The following PAFAH2 variants were observed in gnomAD, a reference collection of about 807,000 sequenced individuals.
The protein encoded by PAFAH2 is platelet activating factor acetylhydrolase 2, also known as platelet-activating factor acetylhydrolase 2, cytoplasmic.
PAFAH2 carries 42 observed loss-of-function variants against 49.0 expected under a neutral mutation model. That is an observed-to-expected ratio of 0.86 (90% CI 0.67 to 1.11). The LOEUF (loss-of-function observed/expected upper bound fraction) is 1.11, where lower values mean the gene tolerates loss of function less well. Ranked by LOEUF, PAFAH2 falls within the 50% of genes least tolerant of loss-of-function variation. The pLI is 0.00. For missense variants in PAFAH2, 503 were observed against 501.8 expected (o/e 1.00, Z -0.02); for synonymous variants, 184 against 181.3 (o/e 1.01, Z -0.12).
chr1:25,986,750 C>T (rs1251207949), intron 4 of PAFAH2, among the ~76,000 whole-genome samples: 5 of 151,870 alleles, frequency 3.3e-5, no homozygotes, highest in Non-Finnish European at 5.9e-5. Flanking sequence ...AGGCTAGTCT[C>T]GAACTCCCAA....
At chr1:25,983,115 G>C (rs1252333860) in intron 6 of PAFAH2, among the ~76,000 whole-genome samples, 1 of 152,144 alleles carries the variant, frequency 6.6e-6, no homozygotes, top group Non-Finnish European at 1.5e-5. Flanking sequence ...TTCTGACTGG[G>C]TGCCGTGGCT....
At chr1:25,990,387 C>T (rs545479024) in intron 2 of PAFAH2, among the ~76,000 whole-genome samples, 6 of 152,302 alleles carry the variant, frequency 3.9e-5, no homozygotes, top group African/African-American at 1.2e-4. Flanking sequence ...GGCTCTTTCT[C>T]TCACACACTC....
Position 25,961,938 on chromosome 1 carries a change from G to C in PAFAH2, c.*51C>G, listed in dbSNP as rs1284400324. On this transcript the variant is annotated 3_prime_UTR_variant, in exon 11 of 11. Coordinates refer to ENST00000374282, the MANE Select transcript of PAFAH2 (RefSeq NM_000437.4). ...AGGAGCTCATGGGTGCCCTTGGGTA[G>C]CTCCCAAATGAAAACTTGGCTGAAG... The C allele has an allele frequency of 3.5e-6, 5 of 1,408,884 alleles. 1 individual carries two copies. The highest frequency in any genetic ancestry group is 2.1e-4 in the Middle Eastern group (1 of 4,680). The allele number at this position is 1,408,884 out of a possible 1,614,324, so 87.3% of individuals were successfully genotyped here.
At position 25,974,502 on chromosome 1, in the gene PAFAH2, G is replaced by C. The variant is rs767580960; in HGVS notation, c.907C>G (p.Gln303Glu). Residue 303 changes from glutamine (Q) to glutamate (E), a missense_variant, in exon 9 of 11, where the codon CAG becomes GAG. By Grantham distance (29) the Gln-to-Glu change is conservative. Transcript: ENST00000374282. Reference protein sequence around the residue: ...LMKKICAQHEQSRIITVLGSV... With the variant: ...LMKKICAQHEESRIITVLGSV... ...CACAGAACGGTTATGATCCTAGACT[G>C]TTCATGCTGGGCACATATCTTCTTC... 1.9e-6 allele frequency: 3 copies of C among 1,613,764 alleles called. No homozygotes were observed. Among genetic ancestry groups the C allele is most frequent in the Non-Finnish European group, 2.5e-6 (3 of 1,179,790 alleles).
chr1:25,974,113 G>T (rs2049551051), intron 9 of PAFAH2, among the ~76,000 whole-genome samples: 1 of 152,020 alleles, frequency 6.6e-6, no homozygotes, highest in Non-Finnish European at 1.5e-5. Context: ...AATATCAAAG[G>T]TCTACCATAT....
In PAFAH2 at chr1:25,972,718, G is replaced by A; in HGVS notation, c.930-6C>T. On this transcript the variant is annotated splice_polypyrimidine_tract_variant and splice_region_variant and intron_variant, in intron 9 of 10. Coordinates refer to ENST00000374282, the MANE Select transcript of PAFAH2 (RefSeq NM_000437.4). ...GACTCCGATGAACAGAACCACTAGG[G>A]GAAAAGAAAAACAACTGGCAGGGGT... The A allele has an allele frequency of 1.2e-6, 2 of 1,613,774 alleles. No individual in the cohort carries two copies. The highest frequency in any genetic ancestry group is 8.5e-7 in the Non-Finnish European group (1 of 1,179,794).
intron 1 of PAFAH2, among the ~76,000 whole-genome samples, chr1:25,997,139 G>C (rs572277965): frequency 2.3e-4 from 35 of 152,320 alleles, no homozygotes; most frequent in African/African-American, 7.5e-4. Flanking sequence ...TCAAGATACA[G>C]TCCAAGATAA....
chr1:25,984,947 C>CGG (rs1267078342), intron 4 of PAFAH2, among the ~76,000 whole-genome samples: 11 of 151,468 alleles, frequency 7.3e-5, no homozygotes, highest in Admixed American at 7.2e-4. Context: ...CTCTGCCTCC[C>CGG]GGGGTCAAGT....
At chr1:25,995,034 CAG>C (rs2049920314) in intron 1 of PAFAH2, among the ~76,000 whole-genome samples, 2 of 152,194 alleles carry the variant, frequency 1.3e-5, no homozygotes, top group South Asian at 4.1e-4. Context: ...ACAAAGCATC[CAG>C]AGTCATTTCT....
At chr1:25,993,907 G>A (rs1466306297) in intron 1 of PAFAH2, among the ~76,000 whole-genome samples, 1 of 152,154 alleles carries the variant, frequency 6.6e-6, no homozygotes, top group Non-Finnish European at 1.5e-5. Context: ...GTAGAGAGCA[G>A]GGGAAGATGG....
intron 10 of PAFAH2, among the ~76,000 whole-genome samples, chr1:25,965,175 A>G (rs866928066): frequency 6.6e-6 from 1 of 152,186 alleles, no homozygotes; most frequent in Non-Finnish European, 1.5e-5. Flanking sequence ...AAGATACCCT[A>G]TTCAACAAAT....
chr1:25,990,466 G>A (rs1489168445), intron 2 of PAFAH2, among the ~76,000 whole-genome samples: 10 of 152,122 alleles, frequency 6.6e-5, no homozygotes, highest in Non-Finnish European at 1.0e-4. Flanking sequence ...GAGGATCTGC[G>A]AGCTGCCTCT....
chr1:25,992,638 G>A (rs2049891890), intron 1 of PAFAH2, among the ~76,000 whole-genome samples: 1 of 152,216 alleles, frequency 6.6e-6, no homozygotes, highest in Non-Finnish European at 1.5e-5. Flanking sequence ...GGAAACAGAT[G>A]CTTGACAAAG....
At chr1:25,983,826 C>A in intron 6 of PAFAH2, 120 bp downstream of exon 6, 1 of 1,121,976 alleles carries the variant, frequency 8.9e-7, no homozygotes, top group Non-Finnish European at 1.3e-6. Flanking sequence ...ACTGATGTGG[C>A]AAACTCAGAC....
In PAFAH2 at chr1:25,959,801, A is replaced by C. The variant is rs996615924; in HGVS notation, c.*2188T>G. Reference sequence around the variant, plus strand: ...TATAGTCTTTTTAAACATACATGGCACATTTACAACATTGATCTCATACTA... The same window carrying C: ...TATAGTCTTTTTAAACATACATGGCCCATTTACAACATTGATCTCATACTA... On this transcript the variant is annotated 3_prime_UTR_variant, in exon 11 of 11. Transcript: ENST00000374282. 1 of 152,206 alleles carries C rather than the reference A, an allele frequency of 6.6e-6. No individual in the cohort carries two copies. The highest frequency in any genetic ancestry group is 2.4e-5 in the African/African-American group (1 of 41,464). The allele number at this position is 152,206 out of a possible 1,614,324, so 9.4% of individuals were successfully genotyped here. A position where few individuals can be genotyped will look rare whatever the true frequency, so the allele number is the denominator to read the frequency against.
rs116325040 is a variant in PAFAH2 at position 25,990,231 on chromosome 1, G to A, written c.90+496C>T. On this transcript the variant is annotated intron_variant, in intron 2 of 10. Coordinates refer to ENST00000374282, the MANE Select transcript of PAFAH2 (RefSeq NM_000437.4). Reference sequence around the variant, plus strand: ...AGCCTGGGCAACATAGCAAGGCCTCGTCTCTACTATATATACATATATATA... The same window carrying A: ...AGCCTGGGCAACATAGCAAGGCCTCATCTCTACTATATATACATATATATA... Among the ~76,000 whole-genome samples, 768 of 152,174 alleles carry A rather than the reference G, an allele frequency of 5.0e-3. 8 individuals are homozygous for A. The highest frequency in any genetic ancestry group is 0.017 in the African/African-American group (712 of 41,502).
At chr1:25,973,715 G>C (rs2049543930) in intron 9 of PAFAH2, among the ~76,000 whole-genome samples, 1 of 152,198 alleles carries the variant, frequency 6.6e-6, no homozygotes, top group Non-Finnish European at 1.5e-5. Context: ...CGAGGGCTCT[G>C]GATTTGGCAC....
rs138864561 is a variant in PAFAH2 at position 25,972,701 on chromosome 1, T to C, written c.941A>G (p.His314Arg). The C allele has an allele frequency of 2.4e-5, 39 of 1,613,806 alleles. No individual in the cohort carries two copies. Among genetic ancestry groups the C allele is most frequent in the Non-Finnish European group, 3.1e-5 (36 of 1,179,858 alleles). ...AAAAGCAAAGTCAGTTTGACTCCGA[T>C]GAACAGAACCACTAGGGGAAAAGAA... ...SRIITVLGSV[H>R]RSQTDFAFVT... The change falls in exon 10 of 11, where the codon CAT becomes CGT. Residue 314 changes from histidine to arginine, a missense_variant. By Grantham distance (29) the His-to-Arg change is conservative. Transcript: ENST00000374282.
rs766955894 is a variant in PAFAH2 at position 25,972,649 on chromosome 1, G to T, written c.993C>A (p.Phe331Leu). The T allele has an allele frequency of 6.2e-7, 1 of 1,613,926 alleles. No homozygotes were observed. Among genetic ancestry groups the T allele is most frequent in the Non-Finnish European group, 8.5e-7 (1 of 1,179,840 alleles). The change falls in exon 10 of 11, where the codon TTC becomes TTA. Residue 331 changes from phenylalanine to leucine, a missense_variant. Transcript: ENST00000374282. ...AFVTGNLIGK[F>L]FSTETRGSLD... ...GGCTCCCACGGGTTTCAGTGGAGAA[G>T]AATTTACCAATCAAGTTGCCAGTCA...
Sources: gnomAD v4.1 joint callset for allele counts (sites outside exome capture counted in the v4.1 genomes callset) on GRCh38, gnomAD v4.1.1 for gene constraint, MANE v1.5 for transcripts, NCBI Gene and HGNC (gene_info 2026-07-23, HGNC 2026-07-21) for gene names.